The following KY variants were observed in gnomAD, a reference collection of about 807,000 sequenced individuals.
KY encodes the protein kyphoscoliosis peptidase.
In KY, 43 loss-of-function variants were observed where a neutral mutation model predicts 76.1. The observed-to-expected ratio is 0.57, with a 90% CI of 0.44 to 0.73. The LOEUF is 0.73. Among genes scored for constraint, KY ranks in the 30% least tolerant of loss-of-function variants. The probability of loss-of-function intolerance (pLI) is 0.00; values close to 1 mark genes in which losing one functional copy is unlikely to be tolerated. For missense variants in KY, 722 were observed against 828.9 expected (o/e 0.87, Z 1.58); for synonymous variants, 277 against 326.2 (o/e 0.85, Z 1.63).
At chr3:134,642,293 G>A (rs947838815) in intron 3 of KY, among the ~76,000 whole-genome samples, 3 of 152,184 alleles carry the variant, frequency 2.0e-5, no homozygotes, top group African/African-American at 7.2e-5. Flanking sequence ...TGGGGCATGG[G>A]GGAAATCACT....
intron 3 of KY, among the ~76,000 whole-genome samples, chr3:134,639,631 A>G (rs1259344458): frequency 6.6e-6 from 1 of 152,076 alleles, no homozygotes; most frequent in African/African-American, 2.4e-5. Context: ...AGAAGCCTCA[A>G]CAGAAAACTG....
chr3:134,609,458 A>G (rs146339773), intron 9 of KY, among the ~76,000 whole-genome samples: 60 of 152,300 alleles, frequency 3.9e-4, no homozygotes, highest in African/African-American at 1.3e-3. Flanking sequence ...GTGTGTGCAC[A>G]TGGCTTGTAT....
chr3:134,624,841 G>A (rs147225396), intron 6 of KY, among the ~76,000 whole-genome samples: 2 of 152,218 alleles, frequency 1.3e-5, no homozygotes, highest in East Asian at 3.9e-4. Flanking sequence ...AGGATCGTGG[G>A]TGGGCTGGGG....
intron 1 of KY, 54 bp downstream of exon 1, chr3:134,650,771 G>A: frequency 6.8e-7 from 1 of 1,480,822 alleles, no homozygotes; most frequent in East Asian, 2.5e-5. Flanking sequence ...GGCCCTTGTG[G>A]CAAGGAGGCC....
At position 134,608,967 on chromosome 3, in the gene KY, CACT is replaced by C. The variant is rs1359460315; in HGVS notation, c.900-131_900-129del. The C allele has an allele frequency of 4.8e-6, 5 of 1,042,278 alleles. No individual in the cohort carries two copies. The African/African-American group carries it at 8.0e-5, about 17-fold the overall frequency. The allele number at this position is 1,042,278 out of a possible 1,614,324, so 64.6% of individuals were successfully genotyped here. On this transcript the variant is annotated intron_variant, in intron 9 of 10. Transcript: ENST00000423778. ...GCACCATCTCCGACCCTAACATGGG[CACT>C]GGAGACTCCTCCTCAGTGGATGCTT... is the stretch of plus-strand genomic sequence containing the variant.
At chr3:134,608,416 G>A (rs2107758832) in intron 10 of KY, 1 of 1,490,098 alleles carries the variant, frequency 6.7e-7, no homozygotes, top group Non-Finnish European at 8.9e-7. Flanking sequence ...ATGCTAGTGT[G>A]AGTGAGCTTT....
At chr3:134,608,150 T>C (rs1443375563) in intron 10 of KY, 1 of 1,141,030 alleles carries the variant, frequency 8.8e-7, no homozygotes, top group African/African-American at 1.6e-5. Context: ...AGATTCCAGC[T>C]CTGCTGAGGC....
intron 7 of KY, 28 bp from the exon 8 acceptor site, chr3:134,619,293 G>A (rs1962153996): frequency 1.3e-6 from 2 of 1,567,896 alleles, no homozygotes; most frequent in Non-Finnish European, 1.8e-6. Flanking sequence ...GGATCATGAA[G>A]AGCTTGAGCC....
chr3:134,635,295 G>A (rs1964780466), intron 3 of KY, among the ~76,000 whole-genome samples: 2 of 152,020 alleles, frequency 1.3e-5, no homozygotes, highest in Non-Finnish European at 2.9e-5. Context: ...TCAGGAGTTT[G>A]AGACAAGCCT....
At position 134,603,741 on chromosome 3, in the gene KY, C is replaced by A. The variant is rs1189551185; in HGVS notation, c.1824G>T (p.Leu608=). 2.5e-6 allele frequency: 4 copies of A among 1,612,444 alleles called. No homozygotes were observed. In the South Asian group the frequency reaches 4.4e-5, roughly 18 times the overall value. The part of the protein sequence containing the change: ...KLKLHGIAKV[L]VKGQDTWPLT... ...GGGGCCATGTGTCCTGCCCCTTCAC[C>A]AGGACTTTGGCAATACCATGCAGCT... Residue 608 remains leucine (L), a synonymous_variant, in exon 11 of 11, where the codon CTG becomes CTT. Transcript: ENST00000423778.
Position 134,647,533 on chromosome 3 carries a change from C to T in KY, c.137-36G>A, listed in dbSNP as rs202009118. On this transcript the variant is annotated intron_variant, in intron 1 of 10. Transcript: ENST00000423778. ...ACAAGCTTCTCTGAGGTGGGAGACT[C>T]AGGGCAAAAGAGTGATGTACCAGTT... The T allele has an allele frequency of 2.5e-4, 339 of 1,383,396 alleles. 3 individuals carry two copies. In the African/African-American group the frequency reaches 4.3e-3, roughly 18 times the overall value. 85.7% of individuals were successfully genotyped at this position (1,383,396 alleles called of 1,614,324 possible).
chr3:134,608,169 CT>C, intron 10 of KY: 1 of 1,161,920 alleles, frequency 8.6e-7, no homozygotes, highest in Non-Finnish European at 1.1e-6. Flanking sequence ...GCCATGTATT[CT>C]CTCCAGCAGG....
At position 134,647,430 on chromosome 3, in the gene KY, T is replaced by G; in HGVS notation, c.199+5A>C. 1.2e-6 allele frequency: 2 copies of G among 1,603,062 alleles called. No homozygotes were observed. The highest frequency in any genetic ancestry group is 1.1e-5 in the South Asian group (1 of 89,992). On this transcript the variant is annotated splice_donor_5th_base_variant and intron_variant, in intron 2 of 10. Coordinates refer to ENST00000423778, the MANE Select transcript of KY (RefSeq NM_178554.6). The stretch of plus-strand genomic sequence containing the variant: ...CTATAGGTTGAAAGGAAAAAGAGAA[T>G]TTACCGTGAAAGTCATTTCCTTCTA...
intron 1 of KY, among the ~76,000 whole-genome samples, chr3:134,649,282 A>G (rs753644910): frequency 6.6e-5 from 10 of 151,966 alleles, no homozygotes; most frequent in Admixed American, 2.0e-4. Flanking sequence ...AGCCATGGCG[A>G]GTTTGTGCTA....
At chr3:134,646,764 G>T (rs1577838557) in intron 2 of KY, among the ~76,000 whole-genome samples, 1 of 152,100 alleles carries the variant, frequency 6.6e-6, no homozygotes, top group Non-Finnish European at 1.5e-5. Context: ...TTCTCTACTG[G>T]GGCTCTGGGA....
chr3:134,614,953 A>G (rs1312322803), intron 8 of KY, among the ~76,000 whole-genome samples: 1 of 152,154 alleles, frequency 6.6e-6, no homozygotes, highest in Admixed American at 6.5e-5. Context: ...TGCCTGTAGG[A>G]GAGACTATGA....
chr3:134,618,448 A>G (rs1961963405), intron 8 of KY, among the ~76,000 whole-genome samples: 1 of 152,184 alleles, frequency 6.6e-6, no homozygotes, highest in Non-Finnish European at 1.5e-5. Flanking sequence ...TGATGGCCCC[A>G]GGGCTAGCTG....
At chr3:134,626,090 C>G (rs55992836) in intron 5 of KY, among the ~76,000 whole-genome samples, 2,251 of 152,290 alleles carry the variant, frequency 0.015, 49 homozygotes, top group African/African-American at 0.051. Context: ...CTTTCTTAAC[C>G]AAGGGTCCCT....
intron 7 of KY, chr3:134,619,901 A>T (rs530449795): frequency 1.3e-5 from 2 of 152,766 alleles, no homozygotes; most frequent in East Asian, 3.8e-4. Flanking sequence ...TGGAGTTGGG[A>T]TGGGAGCTGA....
Sources: gnomAD v4.1 joint callset for allele counts (sites outside exome capture counted in the v4.1 genomes callset) on GRCh38, gnomAD v4.1.1 for gene constraint, MANE v1.5 for transcripts, NCBI Gene and HGNC (gene_info 2026-07-23, HGNC 2026-07-21) for gene names.